DNM2: variants seen among roughly 807,000 people sequenced by gnomAD.
DNM2 encodes the protein dynamin 2.
DNM2 carries 15 observed loss-of-function variants against 99.0 expected under a neutral mutation model. The observed-to-expected ratio is 0.15, with a 90% CI of 0.10 to 0.23. The LOEUF (loss-of-function observed/expected upper bound fraction) is 0.23, where lower values mean the gene tolerates loss of function less well. DNM2 is among the 10% of genes least tolerant of loss of function. The probability of loss-of-function intolerance (pLI) is 1.00; values close to 1 mark genes in which losing one functional copy is unlikely to be tolerated. For synonymous variants in DNM2, 525 were observed against 481.2 expected (o/e 1.09, Z -1.19); for missense variants, 742 against 1,189.4 (o/e 0.62, Z 5.53).
chr19:10,772,574 A>G lies in DNM2; in HGVS notation c.331A>G (p.Thr111Ala), dbSNP rs2145911597. Residue 111 changes from threonine to alanine, a missense_variant, in exon 3 of 21, where the codon ACC (threonine) becomes GCC (alanine). This residue lies in a region of DNM2 where 192 missense variants were observed against 358.9 expected (regional missense o/e 0.54). Transcript: ENST00000389253. The surrounding 1 kb of genome is among the most constrained non-coding windows in gnomAD (Gnocchi z 4.9). ...IEAETDRVTG[T>A]NKGISPVPIN... ...AGCAGAGACCGACAGGGTCACGGGG[A>G]CCAACAAAGGCATCTCCCCAGTGCC... is the stretch of plus-strand genomic sequence containing the variant. 2 of 1,614,132 alleles carry G rather than the reference A, an allele frequency of 1.2e-6. No homozygotes were observed. The highest frequency in any genetic ancestry group is 1.7e-6 in the Non-Finnish European group (2 of 1,180,016).
chr19:10,737,858 T>C (rs2069584872), intron 1 of DNM2, among the ~76,000 whole-genome samples: 1 of 152,198 alleles, frequency 6.6e-6, no homozygotes, highest in Non-Finnish European at 1.5e-5. Flanking sequence ...TGCCCCTGGC[T>C]GTAGCGCAGT....
chr19:10,760,031 G>A (rs2070564116), intron 2 of DNM2, among the ~76,000 whole-genome samples: 1 of 151,790 alleles, frequency 6.6e-6, no homozygotes, highest in South Asian at 2.1e-4. Flanking sequence ...TGCCATGTGT[G>A]CTTTCTTTTT....
intron 1 of DNM2, 23 bp from the exon 2 acceptor site, chr19:10,759,715 C>A (rs369145271): frequency 6.2e-7 from 1 of 1,613,888 alleles, no homozygotes. Flanking sequence ...AGAGTAATTT[C>A]TGTCCCTCTC....
intron 1 of DNM2, among the ~76,000 whole-genome samples, chr19:10,757,957 A>G (rs1054176911): frequency 4.6e-5 from 7 of 151,708 alleles, no homozygotes; most frequent in African/African-American, 1.7e-4. Context: ...AAAAAAAAAA[A>G]AAAAAAAAGA....
intron 1 of DNM2, among the ~76,000 whole-genome samples, chr19:10,739,262 A>T (rs2145752195): frequency 6.6e-6 from 1 of 152,336 alleles, no homozygotes; most frequent in South Asian, 2.1e-4. Context: ...TTTTCCTGAA[A>T]TATTTTTATT....
At chr19:10,738,600 G>A (rs1455262135) in intron 1 of DNM2, among the ~76,000 whole-genome samples, 4 of 152,210 alleles carry the variant, frequency 2.6e-5, no homozygotes, top group Admixed American at 6.5e-5. Context: ...GGTGGCTCAC[G>A]CCTGTGATCC....
In DNM2 at chr19:10,761,177, T is replaced by C. The variant is rs562162082; in HGVS notation, c.235+1366T>C. Among the ~76,000 whole-genome samples the C allele has an allele frequency of 3.0e-4, 45 of 151,762 alleles. 1 individual carries two copies. The South Asian group carries it at 6.2e-3, about 21-fold the overall frequency. On this transcript the variant is annotated intron_variant, in intron 2 of 20. Transcript: ENST00000389253. ...CTAATTTTTGTATTTTTAGTAGAGA[T>C]GGGATTTCACCATGTTGGCCAGGCT...
intron 1 of DNM2, among the ~76,000 whole-genome samples, chr19:10,732,492 CG>C (rs2069364382): frequency 6.6e-6 from 1 of 151,472 alleles, no homozygotes; most frequent in South Asian, 2.1e-4. Context: ...CCCAGCTACT[CG>C]GGAGGCTGAG....
intron 1 of DNM2, among the ~76,000 whole-genome samples, chr19:10,733,552 G>C (rs1303876957): frequency 6.6e-6 from 1 of 152,104 alleles, no homozygotes; most frequent in African/African-American, 2.4e-5. Flanking sequence ...AAAGTACAAA[G>C]ATAACACAGA....
intron 1 of DNM2, among the ~76,000 whole-genome samples, chr19:10,748,522 A>G (rs2070076830): frequency 6.6e-6 from 1 of 152,104 alleles, no homozygotes; most frequent in African/African-American, 2.4e-5. Context: ...TGGGTGACCA[A>G]TGGCTATTGT....
chr19:10,803,641 G>C lies in DNM2; in HGVS notation c.1493+1283G>C, dbSNP rs1029148329. 4.1e-6 allele frequency: 4 copies of C among 986,294 alleles called. No homozygotes were observed. The African/African-American group carries it at 7.0e-5, about 17-fold the overall frequency. The allele number at this position is 986,294 out of a possible 1,614,324, so 61.1% of individuals were successfully genotyped here. On this transcript the variant is annotated intron_variant, in intron 12 of 20. Transcript: ENST00000389253. ...CTGGGCCTTCCCACTTACCCCAGCT[G>C]TTACTATACTGAGCAGCTGGTGACC...
chr19:10,755,890 C>T (rs1293771743), intron 1 of DNM2, among the ~76,000 whole-genome samples: 1 of 152,084 alleles, frequency 6.6e-6, no homozygotes, highest in African/African-American at 2.4e-5. Context: ...TCTCAAACTC[C>T]TGACCTCAGG....
In DNM2 at chr19:10,771,656, T is replaced by C. The variant is rs138973571; in HGVS notation, c.236-823T>C. On this transcript the variant is annotated intron_variant, in intron 2 of 20. Transcript: ENST00000389253. ...ATCCACAAGGACTTGGGCATCGAAC[T>C]CCCTTGACTGGGACCCACAGCAAGG... Among the ~76,000 whole-genome samples the C allele has an allele frequency of 4.4e-3, 668 of 152,186 alleles. 4 individuals are homozygous for C. Among genetic ancestry groups the C allele is most frequent in the African/African-American group, 0.015 (619 of 41,538 alleles).
intron 1 of DNM2, among the ~76,000 whole-genome samples, chr19:10,754,091 C>G (rs1764006913): frequency 6.6e-6 from 1 of 152,046 alleles, no homozygotes; most frequent in African/African-American, 2.4e-5. Flanking sequence ...TCTTTGAGAT[C>G]TGAATTTTTC....
In DNM2 at chr19:10,812,255, T is replaced by C. The variant is rs748026953; in HGVS notation, c.1558-9T>C. 1 of 1,585,954 alleles carries C rather than the reference T, an allele frequency of 6.3e-7. No individual in the cohort carries two copies. The highest frequency in any genetic ancestry group is 8.6e-7 in the Non-Finnish European group (1 of 1,165,692). ...GAGGTTCCCTGCTAAGCTGCGCGCTTTCCCCCAGGTGATCCGCAGGGGCTG... is the reference window on the plus strand; with the variant it reads ...GAGGTTCCCTGCTAAGCTGCGCGCTCTCCCCCAGGTGATCCGCAGGGGCTG... On this transcript the variant is annotated splice_polypyrimidine_tract_variant and intron_variant, in intron 14 of 20. Transcript: ENST00000389253. This position sits in a 1 kb window ranked among gnomAD's most constrained non-coding sequence, Gnocchi z 4.0.
rs560351333 is a variant in DNM2 at position 10,740,398 on chromosome 19, C to T, written c.162-19340C>T. ...TTTTTTTTGTTTTTTTTTTTTGAGACGGAGTCTCGCTCTGTCGCCCAGGCT... is the reference window on the plus strand; with the variant it reads ...TTTTTTTTGTTTTTTTTTTTTGAGATGGAGTCTCGCTCTGTCGCCCAGGCT... On this transcript the variant is annotated intron_variant, in intron 1 of 20. Coordinates refer to ENST00000389253, the MANE Select transcript of DNM2 (RefSeq NM_001005361.3). Among the ~76,000 whole-genome samples, 34 of 148,098 alleles carry T rather than the reference C, an allele frequency of 2.3e-4. No homozygotes were observed. The South Asian group carries it at 4.9e-3, about 21-fold the overall frequency.
intron 1 of DNM2, among the ~76,000 whole-genome samples, chr19:10,749,982 AG>A (rs1236856142): frequency 3.3e-5 from 5 of 152,166 alleles, no homozygotes; most frequent in African/African-American, 1.2e-4. Flanking sequence ...AGGCAGGTGC[AG>A]GGGGTGGGGC....
intron 1 of DNM2, among the ~76,000 whole-genome samples, chr19:10,734,401 C>T (rs1325610896): frequency 2.7e-5 from 4 of 150,344 alleles, no homozygotes; most frequent in East Asian, 3.9e-4. Flanking sequence ...GTAATCCCAG[C>T]ACTTTGGGAG....
chr19:10,802,323 C>T lies in DNM2; in HGVS notation c.1458C>T (p.Ile486=). The T allele has an allele frequency of 6.2e-7, 1 of 1,614,174 alleles. No individual in the cohort carries two copies. Among genetic ancestry groups the T allele is most frequent in the Non-Finnish European group, 8.5e-7 (1 of 1,180,044 alleles). The change falls in exon 12 of 21, where the codon ATC becomes ATT. Residue 486 remains isoleucine, a synonymous_variant. Coordinates refer to ENST00000389253, the MANE Select transcript of DNM2 (RefSeq NM_001005361.3). ...LLLIDIEQSY[I]NTNHEDFIGF... ...TGATCGACATTGAGCAGTCCTACAT[C>T]AACACGAACCATGAGGACTTCATCG...
Sources: gnomAD v4.1 joint callset for allele counts (sites outside exome capture counted in the v4.1 genomes callset) on GRCh38, gnomAD v4.1.1 for gene constraint, gnomAD v4.1.1 regional missense constraint, Gnocchi (gnomAD v3.1) non-coding constraint, MANE v1.5 for transcripts, NCBI Gene and HGNC (gene_info 2026-07-23, HGNC 2026-07-21) for gene names.